The following WDFY3 variants were observed in gnomAD, a reference collection of about 807,000 sequenced individuals.
WDFY3 encodes the protein WD repeat and FYVE domain containing 3.
WDFY3 carries 66 observed loss-of-function variants against 409.6 expected under a neutral mutation model. That is an observed-to-expected ratio of 0.16 (90% CI 0.13 to 0.20). The LOEUF (loss-of-function observed/expected upper bound fraction) is 0.20, where lower values mean the gene tolerates loss of function less well. WDFY3 is among the 10% of genes least tolerant of loss of function. WDFY3 has a pLI of 1.00. For missense variants in WDFY3, 3,031 were observed against 4,298.1 expected (o/e 0.71, Z 8.24); for synonymous variants, 1,521 against 1,537.1 (o/e 0.99, Z 0.25).
In WDFY3 at chr4:84,672,054, G is replaced by A. The variant is rs1725510941; in HGVS notation, c.*814C>T. 1 of 152,172 alleles carries A rather than the reference G, an allele frequency of 6.6e-6. No homozygotes were observed. The highest frequency in any genetic ancestry group is 2.4e-5 in the African/African-American group (1 of 41,438). The allele number at this position is 152,172 out of a possible 1,614,324, so 9.4% of individuals were successfully genotyped here. A position where few individuals can be genotyped will look rare whatever the true frequency, so the allele number is the denominator to read the frequency against. ...AGCAGTCCACATACAAGTTTAAAAG[G>A]GGCCCTGTTTATGTAGGAACAACAC... On this transcript the variant is annotated 3_prime_UTR_variant, in exon 68 of 68. Coordinates refer to ENST00000295888, the MANE Select transcript of WDFY3 (RefSeq NM_014991.6).
intron 1 of WDFY3, among the ~76,000 whole-genome samples, chr4:84,956,373 C>A (rs529863391): frequency 1.3e-5 from 2 of 152,234 alleles, no homozygotes; most frequent in South Asian, 4.2e-4. Context: ...GAAAGAAGAG[C>A]CAATGCATGA....
intron 2 of WDFY3, among the ~76,000 whole-genome samples, chr4:84,924,363 G>A (rs575714034): frequency 1.1e-4 from 16 of 152,282 alleles, no homozygotes; most frequent in African/African-American, 3.8e-4. Context: ...ATTTTTCTGT[G>A]TAGGACTTTA....
At chr4:84,780,041 T>C (rs1746232436) in intron 26 of WDFY3, 67 bp downstream of exon 26, 2 of 1,437,868 alleles carry the variant, frequency 1.4e-6, no homozygotes, top group Non-Finnish European at 1.8e-6. Context: ...ACAACATGAA[T>C]GATAATAAAA....
intron 62 of WDFY3, among the ~76,000 whole-genome samples, chr4:84,685,299 C>T (rs1187338310): frequency 6.6e-6 from 1 of 152,128 alleles, no homozygotes; most frequent in Non-Finnish European, 1.5e-5. Context: ...GAGGACTGGG[C>T]CTGTTCCATC....
intron 10 of WDFY3, 124 bp downstream of exon 10, chr4:84,826,691 C>A (rs1220768905): frequency 1.1e-4 from 102 of 965,030 alleles, no homozygotes; most frequent in Non-Finnish European, 1.3e-4. Flanking sequence ...AAAAAACAAG[C>A]TTTAAGGGAA....
At position 84,674,876 on chromosome 4, in the gene WDFY3, T is replaced by A. The variant is rs1017220864; in HGVS notation, c.10458-1885A>T. On this transcript the variant is annotated intron_variant, in intron 67 of 67. Coordinates refer to ENST00000295888, the MANE Select transcript of WDFY3 (RefSeq NM_014991.6). ...GAGTGAGACTCCGTCTCAAAAAAAATAAAAATAAAAATAAAAGATATATAT... is the reference window on the plus strand; with the variant it reads ...GAGTGAGACTCCGTCTCAAAAAAAAAAAAAATAAAAATAAAAGATATATAT... Among the ~76,000 whole-genome samples, 6 of 151,364 alleles carry A rather than the reference T, an allele frequency of 4.0e-5. No homozygotes were observed. The East Asian group carries it at 7.8e-4, about 20-fold the overall frequency.
intron 27 of WDFY3, among the ~76,000 whole-genome samples, chr4:84,776,042 T>C (rs1308213958): frequency 6.6e-6 from 1 of 152,036 alleles, no homozygotes; most frequent in African/African-American, 2.4e-5. Flanking sequence ...ATACTATATA[T>C]GTAGTCAAAC....
intron 7 of WDFY3, 41 bp downstream of exon 7, chr4:84,836,888 C>T: frequency 1.4e-6 from 2 of 1,403,290 alleles, no homozygotes; most frequent in Non-Finnish European, 1.9e-6. Context: ...ACCCACTTCC[C>T]TTTAAATAGG....
At chr4:84,776,314 T>G (rs139894814) in intron 27 of WDFY3, among the ~76,000 whole-genome samples, 1,951 of 152,152 alleles carry the variant, frequency 0.013, 24 homozygotes, top group Middle Eastern at 0.041. Flanking sequence ...TACTTATATT[T>G]GTCAAATGAG....
Position 84,670,099 on chromosome 4 carries a change from T to C in WDFY3, c.*2769A>G, listed in dbSNP as rs1218835934. On this transcript the variant is annotated 3_prime_UTR_variant, in exon 68 of 68. Coordinates refer to ENST00000295888, the MANE Select transcript of WDFY3 (RefSeq NM_014991.6). ...AGTGCAAAATAACTTATCTAGAGTG[T>C]TTTGCTATTATCCAGACGGATGGCT... The C allele has an allele frequency of 6.6e-6, 1 of 152,652 alleles. No homozygotes were observed. The highest frequency in any genetic ancestry group is 1.5e-5 in the Non-Finnish European group (1 of 68,044). The allele number at this position is 152,652 out of a possible 1,614,324, so 9.5% of individuals were successfully genotyped here.
chr4:84,701,335 T>C (rs1731041206), intron 56 of WDFY3, among the ~76,000 whole-genome samples: 1 of 152,190 alleles, frequency 6.6e-6, no homozygotes, highest in African/African-American at 2.4e-5. Context: ...CCTTGTTATC[T>C]TTCCCATTTC....
In WDFY3 at chr4:84,677,318, A is replaced by G. The variant is rs1215486222; in HGVS notation, c.10338T>C (p.Ser3446=). Residue 3446 remains serine, a synonymous_variant, in exon 67 of 68, where the codon TCT becomes TCC. Transcript: ENST00000295888. The part of the protein sequence containing the change: ...SWSVSDQPGR[S]AADHWVKDEG... ...CATCCTTCACCCAGTGATCAGCAGC[A>G]GAACGGCCTGGCTGGTCACTCACAG... The G allele has an allele frequency of 1.2e-6, 2 of 1,614,220 alleles. No individual in the cohort carries two copies.
At chr4:84,792,724 T>C (rs2149561504) in intron 21 of WDFY3, among the ~76,000 whole-genome samples, 1 of 152,356 alleles carries the variant, frequency 6.6e-6, no homozygotes, top group South Asian at 2.1e-4. Context: ...AATATTTTCC[T>C]AGTTTACAGA....
intron 3 of WDFY3, among the ~76,000 whole-genome samples, chr4:84,874,362 G>A (rs1345363248): frequency 2.0e-5 from 3 of 151,874 alleles, no homozygotes; most frequent in Admixed American, 6.6e-5. Flanking sequence ...GCAGTGAGCC[G>A]AGATTGTGCC....
chr4:84,927,122 A>T (rs999670112), intron 2 of WDFY3, among the ~76,000 whole-genome samples: 2 of 152,220 alleles, frequency 1.3e-5, no homozygotes, highest in Non-Finnish European at 2.9e-5. Flanking sequence ...TTCTATTTAC[A>T]GTAATTCACA....
chr4:84,754,124 C>G (rs940621563), intron 34 of WDFY3, among the ~76,000 whole-genome samples: 2 of 152,078 alleles, frequency 1.3e-5, no homozygotes, highest in South Asian at 4.2e-4. Flanking sequence ...AATCGCAGGT[C>G]TGCTAACTAG....
rs145412946 is a variant in WDFY3 at position 84,741,854 on chromosome 4, A to G, written c.6141T>C (p.Tyr2047=). 70 of 1,613,022 alleles carry G rather than the reference A, an allele frequency of 4.3e-5. No homozygotes were observed. The highest frequency in any genetic ancestry group is 5.3e-5 in the Non-Finnish European group (63 of 1,179,214). The change falls in exon 38 of 68, where the codon TAT becomes TAC. Residue 2047 remains tyrosine, a synonymous_variant. Coordinates refer to ENST00000295888, the MANE Select transcript of WDFY3 (RefSeq NM_014991.6). ...SYQVLVNNVF[Y]FTQRVVDKLW... ...GCTTGTCCACCACACGCTGTGTGAA[A>G]TAAAACACATTGTTCACCAATACCT...
chr4:84,699,248 T>C (rs1730675754), intron 56 of WDFY3, among the ~76,000 whole-genome samples: 1 of 152,166 alleles, frequency 6.6e-6, no homozygotes, highest in South Asian at 2.1e-4. Flanking sequence ...AGAACACCAA[T>C]CTGTGTCCTG....
intron 56 of WDFY3, 35 bp from the exon 57 acceptor site, chr4:84,696,858 G>C (rs759852707): frequency 2.0e-6 from 3 of 1,537,324 alleles, no homozygotes; most frequent in East Asian, 2.3e-5. Context: ...TAAAAAAAAA[G>C]AAAGAATGGG....
Sources: allele counts gnomAD v4.1 joint callset (sites outside exome capture counted in the v4.1 genomes callset), GRCh38; gene constraint gnomAD v4.1.1; transcripts MANE v1.5; gene names NCBI Gene and HGNC (gene_info 2026-07-23, HGNC 2026-07-21).